BCAS3: variants seen among roughly 807,000 people sequenced by gnomAD.
BCAS3 encodes BCAS4/BCAS3 fusion.
In BCAS3, 53 loss-of-function variants were observed where a neutral mutation model predicts 116.1. The observed-to-expected ratio is 0.46, with a 90% CI of 0.37 to 0.57. The LOEUF is 0.57. BCAS3 is among the 20% of genes least tolerant of loss of function. The probability of loss-of-function intolerance (pLI) is 0.00; values close to 1 mark genes in which losing one functional copy is unlikely to be tolerated. For synonymous variants in BCAS3, 391 were observed against 408.2 expected, an observed-to-expected ratio of 0.96 and a Z score of 0.51; for missense variants, 917 against 1,165.4, an observed-to-expected ratio of 0.79 and a Z score of 3.10.
intron 22 of BCAS3, among the ~76,000 whole-genome samples, chr17:61,283,250 G>A (rs1602399232): frequency 6.6e-6 from 1 of 152,208 alleles, no homozygotes; most frequent in East Asian, 1.9e-4. Flanking sequence ...GTCTTGGTTT[G>A]GAGGACTATA....
intron 22 of BCAS3, among the ~76,000 whole-genome samples, chr17:61,114,823 T>C (rs1308697584): frequency 3.3e-5 from 5 of 149,570 alleles, no homozygotes; most frequent in Admixed American, 3.3e-4. Context: ...GGCATCACAC[T>C]ACCTGACTTC....
At position 61,007,939 on chromosome 17, in the gene BCAS3, A is replaced by G. The variant is rs1032092683; in HGVS notation, c.1487-7812A>G. Among the ~76,000 whole-genome samples the G allele has an allele frequency of 1.3e-5, 2 of 152,106 alleles. No homozygotes were observed. The highest frequency in any genetic ancestry group is 4.8e-5 in the African/African-American group (2 of 41,426). On this transcript the variant is annotated intron_variant, in intron 15 of 23. Coordinates refer to ENST00000407086, the MANE Select transcript of BCAS3 (RefSeq NM_017679.5). The surrounding 1 kb of genome is among the most constrained non-coding windows in gnomAD (Gnocchi z 4.3). ...CAAAAAAAAGTTATAGGCAAAATGA[A>G]TCAGTGCCCACACAGGATTGTCCTT...
intron 13 of BCAS3, among the ~76,000 whole-genome samples, chr17:60,943,591 C>G (rs2081183141): frequency 6.6e-6 from 1 of 152,070 alleles, no homozygotes; most frequent in African/African-American, 2.4e-5. Context: ...AGGAAAACTA[C>G]ACATGTCCAC....
chr17:61,019,129 T>C lies in BCAS3; in HGVS notation c.1637+3228T>C, dbSNP rs2065698422. Among the ~76,000 whole-genome samples, 1 of 152,206 alleles carries C rather than the reference T, an allele frequency of 6.6e-6. No homozygotes were observed. On this transcript the variant is annotated intron_variant, in intron 16 of 23. Coordinates refer to ENST00000407086, the MANE Select transcript of BCAS3 (RefSeq NM_017679.5). This position sits in a 1 kb window ranked among gnomAD's most constrained non-coding sequence, Gnocchi z 5.6. ...TGCTAGTCCCTGGCCTGTTAGGAAC[T>C]GAGCCGCACAGCAGGAGGTGAACAA...
At chr17:61,329,542 C>T (rs1174567053) in intron 22 of BCAS3, among the ~76,000 whole-genome samples, 3 of 151,728 alleles carry the variant, frequency 2.0e-5, no homozygotes, top group Non-Finnish European at 4.4e-5. Flanking sequence ...GGGGTTTCAC[C>T]GTGTTAGCCA....
At chr17:60,907,708 G>C (rs1327532943) in intron 11 of BCAS3, among the ~76,000 whole-genome samples, 1 of 152,100 alleles carries the variant, frequency 6.6e-6, no homozygotes, top group Admixed American at 6.6e-5. Flanking sequence ...CAGATTGTGA[G>C]GACACTTAGT....
chr17:61,024,737 A>G lies in BCAS3; in HGVS notation c.1637+8836A>G, dbSNP rs575187831. On this transcript the variant is annotated intron_variant, in intron 16 of 23. Transcript: ENST00000407086. ...ACCTAAACCTGGAAGAAAGGTATTT[A>G]CTGGCTCTACAGGTAGGGAATATCA... Among the ~76,000 whole-genome samples, 4 of 152,086 alleles carry G rather than the reference A, an allele frequency of 2.6e-5. No individual in the cohort carries two copies. The South Asian group carries it at 6.2e-4, about 24-fold the overall frequency.
intron 1 of BCAS3, 141 bp from the exon 2 acceptor site, chr17:60,679,312 C>A: frequency 1.7e-6 from 1 of 580,458 alleles, no homozygotes; most frequent in East Asian, 2.8e-5. Context: ...TCTGGTGTAA[C>A]AGGAATTTCT....
chr17:60,689,736 C>A lies in BCAS3; in HGVS notation c.189C>A (p.Val63=). Residue 63 remains valine, a synonymous_variant, in exon 4 of 24, where the codon GTC becomes GTA. Transcript: ENST00000407086. ...AAGAAAAGGAGAAAATAGTCTGGGT[C>A]AGATTTGAAAATGCAGATTTAAATG... is the stretch of plus-strand genomic sequence containing the variant. ...LTEEKEKIVW[V]RFENADLNDT... 2 of 1,608,060 alleles carry A rather than the reference C, an allele frequency of 1.2e-6. No individual in the cohort carries two copies. Among genetic ancestry groups the A allele is most frequent in the South Asian group, 2.2e-5 (2 of 90,694 alleles).
At chr17:61,277,570 G>C (rs143537165) in intron 22 of BCAS3, among the ~76,000 whole-genome samples, 24 of 152,118 alleles carry the variant, frequency 1.6e-4, no homozygotes, top group African/African-American at 5.8e-4. Flanking sequence ...CCCACAAAAT[G>C]GGAGAAAATT....
intron 22 of BCAS3, among the ~76,000 whole-genome samples, chr17:61,312,132 C>T (rs976109967): frequency 6.6e-6 from 1 of 152,194 alleles, no homozygotes; most frequent in Admixed American, 6.5e-5. Flanking sequence ...GGTACTGGCC[C>T]TTGCCGAGTC....
At chr17:61,340,313 A>G (rs73993463) in intron 22 of BCAS3, among the ~76,000 whole-genome samples, 1 of 116,444 alleles carries the variant, frequency 8.6e-6, no homozygotes. Context: ...AGGAAGGGGG[A>G]CTGTGTATAC....
At chr17:61,110,677 C>T (rs1250222728) in intron 22 of BCAS3, among the ~76,000 whole-genome samples, 1 of 152,206 alleles carries the variant, frequency 6.6e-6, no homozygotes, top group Non-Finnish European at 1.5e-5. Context: ...GGGGCGCCCG[C>T]CATTGCCCAG....
rs1036549219 is a variant in BCAS3 at position 60,806,178 on chromosome 17, G to C, written c.404-1826G>C. The stretch of plus-strand genomic sequence containing the variant: ...GGCGTGAGCCACTGTGCCCGGCTTC[G>C]GCCTAAATTATTACATGCTAGGTTG... On this transcript the variant is annotated intron_variant, in intron 6 of 23. Transcript: ENST00000407086. 3.0e-4 allele frequency among the ~76,000 whole-genome samples: 45 copies of C among 151,756 alleles called. 1 individual carries two copies. Among genetic ancestry groups the C allele is most frequent in the Admixed American group, 2.7e-3 (41 of 15,200 alleles).
chr17:60,746,911 T>C (rs765392350), intron 5 of BCAS3, among the ~76,000 whole-genome samples: 10 of 152,206 alleles, frequency 6.6e-5, no homozygotes, highest in Non-Finnish European at 1.2e-4. Flanking sequence ...GTGCAGGAAC[T>C]GTACAGATTT....
At chr17:60,899,438 T>C (rs2057728892) in intron 10 of BCAS3, among the ~76,000 whole-genome samples, 1 of 152,104 alleles carries the variant, frequency 6.6e-6, no homozygotes, top group African/African-American at 2.4e-5. Flanking sequence ...CTTTACTCGA[T>C]TCTCAGCCCC....
At position 61,339,663 on chromosome 17, in the gene BCAS3, G is replaced by A. The variant is rs1194463038; in HGVS notation, c.2426-28664G>A. On this transcript the variant is annotated intron_variant, in intron 22 of 23. Coordinates refer to ENST00000407086, the MANE Select transcript of BCAS3 (RefSeq NM_017679.5). The surrounding 1 kb of genome is among the most constrained non-coding windows in gnomAD (Gnocchi z 4.4). ...CATCTGTAATCCCAGCTACTCGGGA[G>A]GCTGAGGCAGGAGAATCGCTCGAAC... Among the ~76,000 whole-genome samples the A allele has an allele frequency of 6.6e-6, 1 of 152,082 alleles. No individual in the cohort carries two copies. Among genetic ancestry groups the A allele is most frequent in the Non-Finnish European group, 1.5e-5 (1 of 68,036 alleles).
chr17:60,900,772 T>TAGAA (rs1451912284), intron 10 of BCAS3, among the ~76,000 whole-genome samples: 1 of 152,086 alleles, frequency 6.6e-6, no homozygotes, highest in African/African-American at 2.4e-5. Context: ...GCACTATTTC[T>TAGAA]ATAGTGCAAA....
chr17:61,297,683 G>A (rs1602498609), intron 22 of BCAS3, among the ~76,000 whole-genome samples: 1 of 152,078 alleles, frequency 6.6e-6, no homozygotes, highest in Non-Finnish European at 1.5e-5. Flanking sequence ...GTGGTCGATG[G>A]GCAGAGTCAA....
Sources: allele counts gnomAD v4.1 joint callset (sites outside exome capture counted in the v4.1 genomes callset), GRCh38; gene constraint gnomAD v4.1.1; non-coding constraint Gnocchi (gnomAD v3.1); transcripts MANE v1.5; gene names NCBI Gene and HGNC (gene_info 2026-07-23, HGNC 2026-07-21).